CCDC62: variants seen among roughly 807,000 people sequenced by gnomAD.
CCDC62 encodes coiled-coil domain-containing protein 62.
In CCDC62, 72 loss-of-function variants were observed where a neutral mutation model predicts 80.8. That is an observed-to-expected ratio of 0.89 (90% confidence interval 0.74 to 1.08). The LOEUF is 1.08. CCDC62 is among the 50% of genes least tolerant of loss of function. CCDC62 has a pLI of 0.00. For synonymous variants in CCDC62, 286 were observed against 296.5 expected (o/e 0.96, Z 0.36); for missense variants, 704 against 809.4 (o/e 0.87, Z 1.58).
chr12:122,794,693 G>A (rs1311171641), intron 6 of CCDC62, among the ~76,000 whole-genome samples: 2 of 151,610 alleles, frequency 1.3e-5, no homozygotes. Context: ...GTCTTGCTCT[G>A]TTGCCCAGCC....
chr12:122,826,637 T>G lies in CCDC62; in HGVS notation c.*256T>G. 1 of 497,044 alleles carries G rather than the reference T, an allele frequency of 2.0e-6. No homozygotes were observed. The highest frequency in any genetic ancestry group is 3.1e-5 in the East Asian group (1 of 32,292). 30.8% of individuals were successfully genotyped at this position (497,044 alleles called of 1,614,324 possible). A position where few individuals can be genotyped will look rare whatever the true frequency, so the allele number is the denominator to read the frequency against. On this transcript the variant is annotated 3_prime_UTR_variant, in exon 13 of 13. Transcript: ENST00000253079. The stretch of plus-strand genomic sequence containing the variant: ...TCATGTGTAAGAAAGTAGACCTTAT[T>G]GTACATATAGAAAGTTGGAATTATG...
chr12:122,826,231 C>T (rs1434565209), intron 12 of CCDC62, among the ~76,000 whole-genome samples, 191 bp from the exon 13 acceptor site: 3 of 152,064 alleles, frequency 2.0e-5, no homozygotes, highest in East Asian at 1.9e-4. Flanking sequence ...GCGCCGTCCC[C>T]GCCCCCATCC....
At chr12:122,793,495 G>A (rs1394152091) in intron 6 of CCDC62, among the ~76,000 whole-genome samples, 1 of 149,980 alleles carries the variant, frequency 6.7e-6, no homozygotes, top group East Asian at 2.0e-4. Context: ...GGTAGGTAAG[G>A]AATATGGCAG....
intron 6 of CCDC62, among the ~76,000 whole-genome samples, chr12:122,794,607 A>G (rs757981677): frequency 1.3e-5 from 2 of 152,226 alleles, no homozygotes; most frequent in Non-Finnish European, 2.9e-5. Context: ...AATATAGACA[A>G]TTGATAGATT....
At chr12:122,792,170 C>T (rs1241696773) in intron 6 of CCDC62, 49 bp downstream of exon 6, 5 of 1,093,862 alleles carry the variant, frequency 4.6e-6, no homozygotes, top group Middle Eastern at 2.0e-4. Flanking sequence ...GCAATGATGA[C>T]AGGCTGAAGG....
chr12:122,781,795 T>G (rs1229100398), intron 3 of CCDC62, among the ~76,000 whole-genome samples: 1 of 151,160 alleles, frequency 6.6e-6, no homozygotes, highest in East Asian at 1.9e-4. Context: ...GCTCTTTGTT[T>G]GGGAGGCTGA....
intron 11 of CCDC62, 59 bp from the exon 12 acceptor site, chr12:122,823,307 C>A: frequency 7.8e-7 from 1 of 1,276,124 alleles, no homozygotes; most frequent in Non-Finnish European, 1.1e-6. Context: ...TGTGTTTAGT[C>A]TTCTTAAGAA....
intron 1 of CCDC62, among the ~76,000 whole-genome samples, chr12:122,775,093 C>CAAAA (rs36059141): frequency 2.2e-4 from 13 of 60,456 alleles, no homozygotes; most frequent in African/African-American, 3.1e-4. Flanking sequence ...GACTCCGTCT[C>CAAAA]AAAAAAAAAA....
chr12:122,784,786 G>A (rs1438745657), intron 3 of CCDC62, among the ~76,000 whole-genome samples: 5 of 152,160 alleles, frequency 3.3e-5, no homozygotes, highest in Non-Finnish European at 5.9e-5. Flanking sequence ...TATGAGCTAT[G>A]AGTGCACCAC....
At chr12:122,775,134 A>AGGAAAACG (rs1879350396) in intron 1 of CCDC62, among the ~76,000 whole-genome samples, 1 of 150,436 alleles carries the variant, frequency 6.6e-6, no homozygotes, top group African/African-American at 2.4e-5. Flanking sequence ...AATACACTAG[A>AGGAAAACG]GGAAAACGGC....
At chr12:122,787,721 A>G (rs2030347697) in intron 4 of CCDC62, among the ~76,000 whole-genome samples, 1 of 151,984 alleles carries the variant, frequency 6.6e-6, no homozygotes, top group Admixed American at 6.6e-5. Context: ...ACTGCACTCC[A>G]GCCTGGTGAC....
At chr12:122,812,815 GAA>G (rs1345342275) in intron 10 of CCDC62, among the ~76,000 whole-genome samples, 2 of 148,580 alleles carry the variant, frequency 1.3e-5, no homozygotes, top group East Asian at 3.9e-4. Context: ...AAGAAAGAAA[GAA>G]AGAAAGAAAG....
intron 4 of CCDC62, among the ~76,000 whole-genome samples, chr12:122,786,061 C>T (rs1464381010): frequency 6.6e-6 from 1 of 152,196 alleles, no homozygotes; most frequent in Non-Finnish European, 1.5e-5. Context: ...TGTGGGCTGG[C>T]AGGTCTGAAT....
chr12:122,826,642 A>C lies in CCDC62; in HGVS notation c.*261A>C, dbSNP rs1261570438. On this transcript the variant is annotated 3_prime_UTR_variant, in exon 13 of 13. Transcript: ENST00000253079. Reference sequence around the variant, plus strand: ...TGTAAGAAAGTAGACCTTATTGTACATATAGAAAGTTGGAATTATGCTAAG... The same window carrying C: ...TGTAAGAAAGTAGACCTTATTGTACCTATAGAAAGTTGGAATTATGCTAAG... 2 of 469,322 alleles carry C rather than the reference A, an allele frequency of 4.3e-6. No homozygotes were observed. The highest frequency in any genetic ancestry group is 3.2e-5 in the East Asian group (1 of 31,118). 29.1% of individuals were successfully genotyped at this position (469,322 alleles called of 1,614,324 possible). A position where few individuals can be genotyped will look rare whatever the true frequency, so the allele number is the denominator to read the frequency against.
chr12:122,788,405 A>G (rs1479774968), intron 4 of CCDC62, among the ~76,000 whole-genome samples: 1 of 152,166 alleles, frequency 6.6e-6, no homozygotes, highest in Non-Finnish European at 1.5e-5. Flanking sequence ...TCTTGCTGCT[A>G]TTATAGTTTC....
chr12:122,787,766 G>T (rs915266260), intron 4 of CCDC62, among the ~76,000 whole-genome samples: 1 of 151,826 alleles, frequency 6.6e-6, no homozygotes, highest in East Asian at 1.9e-4. Flanking sequence ...AAAAAAAAAG[G>T]CTGTGTTTTC....
intron 3 of CCDC62, 29 bp from the exon 4 acceptor site, chr12:122,785,690 G>T (rs1232966426): frequency 7.1e-7 from 1 of 1,405,086 alleles, no homozygotes; most frequent in Non-Finnish European, 1.0e-6. Flanking sequence ...AAGGACTCAA[G>T]CAGTATCATC....
At chr12:122,813,869 C>G (rs1211534618) in intron 11 of CCDC62, among the ~76,000 whole-genome samples, 5 of 152,036 alleles carry the variant, frequency 3.3e-5, no homozygotes, top group Non-Finnish European at 4.4e-5. Flanking sequence ...GTTGGCCAGG[C>G]TGGTCTCAAA....
At chr12:122,794,886 G>T (rs1377363307) in intron 6 of CCDC62, among the ~76,000 whole-genome samples, 2 of 151,920 alleles carry the variant, frequency 1.3e-5, no homozygotes, top group Non-Finnish European at 2.9e-5. Flanking sequence ...CAGGCTGCTG[G>T]TCTTGAACTC....
Sources: gnomAD v4.1 joint callset for allele counts (sites outside exome capture counted in the v4.1 genomes callset) on GRCh38, gnomAD v4.1.1 for gene constraint, MANE v1.5 for transcripts, NCBI Gene and HGNC (gene_info 2026-07-23, HGNC 2026-07-21) for gene names.